Variants in CIITA observed in about 807,000 individuals in gnomAD.
CIITA encodes the protein MHC class II transactivator.
CIITA carries 72 observed loss-of-function variants against 115.1 expected under a neutral mutation model. The observed-to-expected ratio is 0.63, with a 90% confidence interval of 0.52 to 0.76. The LOEUF (loss-of-function observed/expected upper bound fraction) is 0.76, where lower values mean the gene tolerates loss of function less well. Ranked by LOEUF, CIITA falls within the 30% of genes least tolerant of loss-of-function variation. CIITA has a pLI of 0.00. For missense variants in CIITA, 1,617 were observed against 1,463.8 expected, an observed-to-expected ratio of 1.10 and a Z score of -1.71; for synonymous variants, 763 against 635.6, an observed-to-expected ratio of 1.20 and a Z score of -3.02.
chr16:10,869,595 G>A (rs538809307), intron 1 of CIITA, among the ~76,000 whole-genome samples: 93 of 151,048 alleles, frequency 6.2e-4, no homozygotes, highest in South Asian at 4.6e-3. Flanking sequence ...TCAGCTCACT[G>A]CAACTTCCAT....
At chr16:10,887,895 A>C (rs1192213457) in intron 1 of CIITA, among the ~76,000 whole-genome samples, 1 of 152,158 alleles carries the variant, frequency 6.6e-6, no homozygotes, top group African/African-American at 2.4e-5. Context: ...TTAGACCCTC[A>C]AAGATAGACT....
At chr16:10,875,830 A>G (rs887631328), upstream of CIITA, among the ~76,000 whole-genome samples, 1 of 152,130 alleles carries the variant, frequency 6.6e-6, no homozygotes, top group Non-Finnish European at 1.5e-5. Context: ...ACCATCATAC[A>G]TGGCTAATTT....
chr16:10,871,385 A>C (rs1396233301), intron 1 of CIITA, among the ~76,000 whole-genome samples: 1 of 152,194 alleles, frequency 6.6e-6, no homozygotes, highest in South Asian at 2.1e-4. Context: ...CCCATTTTGC[A>C]TACTTTCTCA....
chr16:10,871,035 C>A (rs1230137912), intron 1 of CIITA, among the ~76,000 whole-genome samples: 1 of 152,246 alleles, frequency 6.6e-6, no homozygotes, highest in Non-Finnish European at 1.5e-5. Flanking sequence ...TCGAGTTGAA[C>A]TGGCACATGG....
chr16:10,876,635 C>T (rs199476055), upstream of CIITA, among the ~76,000 whole-genome samples: 142 of 152,276 alleles, frequency 9.3e-4, no homozygotes, highest in Middle Eastern at 3.4e-3. Context: ...GCGGGTCACC[C>T]CAAACCATCT....
At chr16:10,866,762 G>A (rs975902896) in intron 1 of CIITA, among the ~76,000 whole-genome samples, 2 of 152,204 alleles carry the variant, frequency 1.3e-5, no homozygotes, top group Non-Finnish European at 1.5e-5. Flanking sequence ...AGCGAACGGC[G>A]TGCTTCCCAC....
At chr16:10,918,379 G>A in intron 15 of CIITA, 61 bp from the exon 16 acceptor site, 1 of 1,413,144 alleles carries the variant, frequency 7.1e-7, no homozygotes, top group African/African-American at 1.4e-5. Context: ...AACTCTCCTT[G>A]AGGTCAAAGT....
At chr16:10,886,320 T>C (rs1338422700) in intron 1 of CIITA, among the ~76,000 whole-genome samples, 1 of 152,230 alleles carries the variant, frequency 6.6e-6, no homozygotes, top group African/African-American at 2.4e-5. Context: ...TTGCTTCTAA[T>C]CACGGACATT....
At chr16:10,919,503 C>CTTATTTATTCAT (rs2040155591) in intron 16 of CIITA, among the ~76,000 whole-genome samples, 1 of 149,202 alleles carries the variant, frequency 6.7e-6, no homozygotes, top group African/African-American at 2.5e-5. Flanking sequence ...GCCCGGCCAA[C>CTTATTTATTCAT]TTATTTATTT....
rs1478126952 is a variant in CIITA, at chr16:10,907,118, C to T, written c.1626C>T (p.Thr542=). The stretch of plus-strand genomic sequence containing the variant: ...AGAAGAAGCTGCTCCGAGGTTGCAC[C>T]CTCCTCCTCACAGCCCGGCCCCGGG... ...LFQKKLLRGC[T]LLLTARPRGR... The change falls in exon 11 of 20, where the codon ACC becomes ACT. Residue 542 remains threonine, a synonymous_variant. Transcript: ENST00000324288. This position sits in a 1 kb window ranked among gnomAD's most constrained non-coding sequence, Gnocchi z 5.0. 2 of 1,611,508 alleles carry T rather than the reference C, an allele frequency of 1.2e-6. No homozygotes were observed. Among genetic ancestry groups the T allele is most frequent in the Non-Finnish European group, 1.7e-6 (2 of 1,179,796 alleles).
At position 10,934,989 on chromosome 16, in the gene CIITA, G is replaced by C. The variant is rs2040967698; in HGVS notation, c.*11134G>C. The C allele has an allele frequency of 6.6e-6, 1 of 152,300 alleles. No individual in the cohort carries two copies. The highest frequency in any genetic ancestry group is 2.1e-4 in the South Asian group (1 of 4,836). 9.4% of individuals were successfully genotyped at this position (152,300 alleles called of 1,614,324 possible). A position where few individuals can be genotyped will look rare whatever the true frequency, so the allele number is the denominator to read the frequency against. Reference sequence around the variant, plus strand: ...GGCTTCCTGGGCTAGAGCCCCTTCAGGGTCTGACACGCCATTGACACTGAC... The same window carrying C: ...GGCTTCCTGGGCTAGAGCCCCTTCACGGTCTGACACGCCATTGACACTGAC... On this transcript the variant is annotated 3_prime_UTR_variant, in exon 20 of 20. Transcript: ENST00000324288. This position sits in a 1 kb window ranked among gnomAD's most constrained non-coding sequence, Gnocchi z 4.2.
Position 10,906,978 on chromosome 16 carries a change from C to T in CIITA, c.1486C>T (p.Leu496Phe), listed in dbSNP as rs756970534. ...CTTGAAGAGACCTGACCGCGTTCTG[C>T]TCATCCTAGACGGCTTCGAGGAGCT... is the stretch of plus-strand genomic sequence containing the variant. The part of the protein sequence containing the change: ...HILKRPDRVL[L>F]ILDGFEELEA... The change falls in exon 11 of 20, where the codon CTC (leucine) becomes TTC (phenylalanine). Residue 496 changes from leucine to phenylalanine, a missense_variant. Physicochemically the swap from Leu to Phe is conservative, Grantham distance 22 (BLOSUM62 0). Transcript: ENST00000324288. 82 of 1,612,080 alleles carry T rather than the reference C, an allele frequency of 5.1e-5. No individual in the cohort carries two copies. In the East Asian group the frequency reaches 1.7e-3, roughly 33 times the overall value.
chr16:10,921,561 CTATCATG>C (rs1453717504), intron 16 of CIITA, among the ~76,000 whole-genome samples: 1 of 152,220 alleles, frequency 6.6e-6, no homozygotes, highest in Non-Finnish European at 1.5e-5. Flanking sequence ...CACAATGACT[CTATCATG>C]CCCATTTTAC....
In CIITA at chr16:10,901,722, G is replaced by T; in HGVS notation, c.481+164G>T. Reference sequence around the variant, plus strand: ...CTTGGGGTCCCTTAGAGTCCTCTAAGGGGCTCACGACTGTTTGTGGAAGGT... The same window carrying T: ...CTTGGGGTCCCTTAGAGTCCTCTAATGGGCTCACGACTGTTTGTGGAAGGT... On this transcript the variant is annotated intron_variant, in intron 6 of 19. Transcript: ENST00000324288. This position sits in a 1 kb window ranked among gnomAD's most constrained non-coding sequence, Gnocchi z 6.8. 1 of 756,562 alleles carries T rather than the reference G, an allele frequency of 1.3e-6. No homozygotes were observed. The highest frequency in any genetic ancestry group is 2.2e-6 in the Non-Finnish European group (1 of 450,772). 46.9% of individuals were successfully genotyped at this position (756,562 alleles called of 1,614,324 possible). A position where few individuals can be genotyped will look rare whatever the true frequency, so the allele number is the denominator to read the frequency against.
chr16:10,884,004 T>G (rs1396574836), intron 1 of CIITA, among the ~76,000 whole-genome samples: 1 of 151,970 alleles, frequency 6.6e-6, no homozygotes, highest in Non-Finnish European at 1.5e-5. Flanking sequence ...GATGCATCAT[T>G]ATTACCCAAG....
chr16:10,919,503 C>CTTATTTATTTATTTATTTATTTAT lies in CIITA; in HGVS notation c.3149+984_3149+1007dup, dbSNP rs55706326. ...GGCGTGAGCCACCATGCCCGGCCAA[C>CTTATTTATTTATTTATTTATTTAT]TTATTTATTTATTTATTTATTTATT... On this transcript the variant is annotated intron_variant, in intron 16 of 19. Transcript: ENST00000324288. Among the ~76,000 whole-genome samples the CTTATTTATTTATTTATTTATTTAT allele has an allele frequency of 4.7e-5, 7 of 149,202 alleles. No homozygotes were observed. In the East Asian group the frequency reaches 8.0e-4, roughly 17 times the overall value.
Position 10,941,835 on chromosome 16 carries a change from G to C in CIITA, n.961G>C, listed in dbSNP as rs750751772. On this transcript the variant is annotated non_coding_transcript_exon_variant, in exon 2 of 2. Coordinates refer to the CIITA transcript ENST00000573379. This position sits in a 1 kb window ranked among gnomAD's most constrained non-coding sequence, Gnocchi z 6.4. ...CCTGGTCCATGTCCTCGGGCAGGAAGACGAGGCCCACGTTGAGGACGATGT... is the reference window on the plus strand; with the variant it reads ...CCTGGTCCATGTCCTCGGGCAGGAACACGAGGCCCACGTTGAGGACGATGT... The C allele has an allele frequency of 1.9e-6, 3 of 1,613,390 alleles. No homozygotes were observed. The highest frequency in any genetic ancestry group is 4.5e-5 in the East Asian group (2 of 44,890).
Position 10,906,526 on chromosome 16 carries a change from T to C in CIITA, c.1034T>C (p.Leu345Pro). The C allele has an allele frequency of 6.2e-7, 1 of 1,612,310 alleles. No homozygotes were observed. The highest frequency in any genetic ancestry group is 8.5e-7 in the Non-Finnish European group (1 of 1,179,926). ...CCGGTGGAGCAGTTCTACCGCTCAC[T>C]GCAGGACACGTATGGTGCCGAGCCC... ...PEPVEQFYRSLQDTYGAEPAG... is the reference protein window; with the variant it reads ...PEPVEQFYRSPQDTYGAEPAG... The change falls in exon 11 of 20, where the codon CTG becomes CCG. Residue 345 changes from leucine to proline, a missense_variant. Transcript: ENST00000324288.
In CIITA at chr16:10,935,805, G is replaced by C. The variant is rs972211820; in HGVS notation, c.*11950G>C. On this transcript the variant is annotated 3_prime_UTR_variant, in exon 20 of 20. Coordinates refer to ENST00000324288, the MANE Select transcript of CIITA (RefSeq NM_000246.4). ...TAACCATCAGACAAACCCAAATTGAGAGACAGTTTACAAAACACCAGCCTT... is the reference window on the plus strand; with the variant it reads ...TAACCATCAGACAAACCCAAATTGACAGACAGTTTACAAAACACCAGCCTT... 6.6e-6 allele frequency: 1 copy of C among 152,132 alleles called. No homozygotes were observed. Among genetic ancestry groups the C allele is most frequent in the Admixed American group, 6.5e-5 (1 of 15,270 alleles). The allele number at this position is 152,132 out of a possible 1,614,324, so 9.4% of individuals were successfully genotyped here. A position where few individuals can be genotyped will look rare whatever the true frequency, so the allele number is the denominator to read the frequency against.
Sources: gnomAD v4.1 joint callset for allele counts (sites outside exome capture counted in the v4.1 genomes callset) on GRCh38, gnomAD v4.1.1 for gene constraint, Gnocchi (gnomAD v3.1) non-coding constraint, MANE v1.5 for transcripts, NCBI Gene and HGNC (gene_info 2026-07-23, HGNC 2026-07-21) for gene names.